Variants in DIAPH3 observed in about 807,000 individuals in gnomAD.
DIAPH3 encodes the protein protein diaphanous homolog 3.
DIAPH3 carries 117 observed loss-of-function variants against 144.3 expected under a neutral mutation model. That is an observed-to-expected ratio of 0.81 (90% CI 0.70 to 0.95). The LOEUF (loss-of-function observed/expected upper bound fraction) is 0.95. Ranked by LOEUF, DIAPH3 falls within the 40% of genes least tolerant of loss-of-function variation. DIAPH3 has a pLI of 0.00. For missense variants in DIAPH3, 1,421 were observed against 1,412.7 expected, an observed-to-expected ratio of 1.01 and a Z score of -0.09; for synonymous variants, 519 against 488.9, an observed-to-expected ratio of 1.06 and a Z score of -0.81.
At chr13:60,135,298 G>A (rs1343969139) in intron 1 of DIAPH3, among the ~76,000 whole-genome samples, 1 of 149,902 alleles carries the variant, frequency 6.7e-6, no homozygotes, top group African/African-American at 2.5e-5. Context: ...CTCATTGAGG[G>A]TATAGCTTTT....
intron 27 of DIAPH3, among the ~76,000 whole-genome samples, chr13:59,689,170 GAT>G (rs777369602): frequency 2.2e-4 from 34 of 152,048 alleles, no homozygotes; most frequent in Non-Finnish European, 3.8e-4. Flanking sequence ...AAGGCCACAA[GAT>G]TTCTGAGGAA....
At chr13:59,815,987 A>AG (rs771497539) in intron 24 of DIAPH3, among the ~76,000 whole-genome samples, 13 of 151,906 alleles carry the variant, frequency 8.6e-5, no homozygotes, top group Non-Finnish European at 1.9e-4. Context: ...CCTACTTTGG[A>AG]GTAGGGTGGA....
At chr13:60,037,040 C>CA (rs2055282263) in intron 5 of DIAPH3, among the ~76,000 whole-genome samples, 2 of 9,694 alleles carry the variant, frequency 2.1e-4, no homozygotes, top group African/African-American at 1.2e-3. Flanking sequence ...ACACCTTAAG[C>CA]ATAGATATCT....
rs548973030 is a variant in DIAPH3 at position 60,153,181 on chromosome 13, A to G, written c.180+10406T>C. On this transcript the variant is annotated intron_variant, in intron 1 of 27. Transcript: ENST00000400324. ...ACAATAGATTTTCACAAGCTCTTCC[A>G]CTTAGGAAGAGTTCAGTTCCAAATG... Among the ~76,000 whole-genome samples, 19 of 152,210 alleles carry G rather than the reference A, an allele frequency of 1.2e-4. No individual in the cohort carries two copies. In the East Asian group the frequency reaches 3.3e-3, roughly 26 times the overall value.
At chr13:59,818,550 T>C (rs1267188482) in intron 24 of DIAPH3, among the ~76,000 whole-genome samples, 1 of 151,876 alleles carries the variant, frequency 6.6e-6, no homozygotes. Flanking sequence ...ATTTTATTTA[T>C]CTGGCTTTGT....
chr13:59,708,240 A>G (rs2034538248), intron 27 of DIAPH3, among the ~76,000 whole-genome samples: 1 of 151,988 alleles, frequency 6.6e-6, no homozygotes, highest in African/African-American at 2.4e-5. Context: ...TTAAAAAAAA[A>G]ACGTTTTAGA....
At chr13:60,011,073 C>T (rs1187368256) in intron 7 of DIAPH3, among the ~76,000 whole-genome samples, 1 of 151,830 alleles carries the variant, frequency 6.6e-6, no homozygotes, top group African/African-American at 2.4e-5. Context: ...CCATTGCACT[C>T]CAGCCTGGGC....
At chr13:59,863,968 C>T (rs1397811451) in intron 21 of DIAPH3, among the ~76,000 whole-genome samples, 1 of 152,060 alleles carries the variant, frequency 6.6e-6, no homozygotes, top group Non-Finnish European at 1.5e-5. Context: ...CATAGAAACT[C>T]TAAATTCACT....
chr13:60,021,523 C>CA (rs2054019415), intron 5 of DIAPH3, among the ~76,000 whole-genome samples: 3 of 152,014 alleles, frequency 2.0e-5, no homozygotes, highest in Non-Finnish European at 4.4e-5. Context: ...ACTTGGGAGG[C>CA]TGAGGCAGGA....
chr13:59,701,874 T>G (rs1352753296), intron 27 of DIAPH3, among the ~76,000 whole-genome samples: 1 of 152,198 alleles, frequency 6.6e-6, no homozygotes, highest in Admixed American at 6.5e-5. Context: ...GCGCTCCAAT[T>G]TATTGATTCT....
At chr13:60,088,851 A>C (rs1566757846) in intron 4 of DIAPH3, among the ~76,000 whole-genome samples, 1 of 152,116 alleles carries the variant, frequency 6.6e-6, no homozygotes, top group Non-Finnish European at 1.5e-5. Flanking sequence ...GGAACTCCTG[A>C]CCTCAAATGA....
chr13:59,881,322 T>C (rs2045028114), intron 20 of DIAPH3, among the ~76,000 whole-genome samples: 2 of 152,132 alleles, frequency 1.3e-5, no homozygotes, highest in Non-Finnish European at 2.9e-5. Flanking sequence ...ATGTAGTACC[T>C]GTAGTTATGG....
chr13:59,934,946 G>C (rs575296368), intron 17 of DIAPH3, among the ~76,000 whole-genome samples: 1 of 152,302 alleles, frequency 6.6e-6, no homozygotes, highest in Admixed American at 6.5e-5. Context: ...AACTGAATAG[G>C]CCTGAGGGAG....
intron 1 of DIAPH3, among the ~76,000 whole-genome samples, chr13:60,139,598 G>A (rs2059382251): frequency 6.6e-6 from 1 of 152,062 alleles, no homozygotes; most frequent in African/African-American, 2.4e-5. Context: ...ATTTCTCTGA[G>A]AACACAAGGT....
At chr13:59,807,194 T>C (rs1035825423) in intron 25 of DIAPH3, among the ~76,000 whole-genome samples, 3 of 120,348 alleles carry the variant, frequency 2.5e-5, no homozygotes, top group Admixed American at 9.5e-5. Context: ...AATAATTGTG[T>C]TGATTTTAAA....
intron 5 of DIAPH3, among the ~76,000 whole-genome samples, chr13:60,027,256 A>T (rs964839452): frequency 6.6e-6 from 1 of 152,206 alleles, no homozygotes; most frequent in African/African-American, 2.4e-5. Flanking sequence ...CACCCAAATT[A>T]CACTAAATTA....
chr13:59,987,846 T>TA (rs545587000), intron 12 of DIAPH3, among the ~76,000 whole-genome samples: 5 of 150,652 alleles, frequency 3.3e-5, no homozygotes, highest in African/African-American at 4.9e-5. Flanking sequence ...TAAATGTAAA[T>TA]AAAACAGATA....
chr13:59,751,045 C>G, intron 27 of DIAPH3, among the ~76,000 whole-genome samples: 1 of 152,342 alleles, frequency 6.6e-6, no homozygotes, highest in East Asian at 1.9e-4. Context: ...AGCAGCAATG[C>G]TTTTGGGGGC....
At chr13:59,913,640 A>G (rs1239783272) in intron 19 of DIAPH3, among the ~76,000 whole-genome samples, 1 of 152,212 alleles carries the variant, frequency 6.6e-6, no homozygotes, top group Non-Finnish European at 1.5e-5. Flanking sequence ...ATAAATTCCA[A>G]GAAGGTCAAG....
Sources: gnomAD v4.1 joint callset for allele counts (sites outside exome capture counted in the v4.1 genomes callset) on GRCh38, gnomAD v4.1.1 for gene constraint, MANE v1.5 for transcripts, NCBI Gene and HGNC (gene_info 2026-07-23, HGNC 2026-07-21) for gene names.